Variants in MCC observed in about 807,000 individuals in gnomAD.
MCC encodes the protein colorectal mutant cancer protein.
MCC carries 90 observed loss-of-function variants against 116.2 expected under a neutral mutation model. That is an observed-to-expected ratio of 0.77 (90% CI 0.65 to 0.92). The LOEUF (loss-of-function observed/expected upper bound fraction) is 0.92, where lower values mean the gene tolerates loss of function less well. Ranked by LOEUF, MCC falls within the 40% of genes least tolerant of loss-of-function variation. The probability of loss-of-function intolerance (pLI) is 0.00; values close to 1 mark genes in which losing one functional copy is unlikely to be tolerated. For synonymous variants in MCC, 578 were observed against 510.5 expected (o/e 1.13, Z -1.78); for missense variants, 1,516 against 1,312.2 (o/e 1.16, Z -2.40).
intron 3 of MCC, among the ~76,000 whole-genome samples, chr5:113,162,446 C>T (rs962060983): frequency 3.9e-5 from 6 of 152,120 alleles, no homozygotes; most frequent in Non-Finnish European, 8.8e-5. Context: ...AGGCAAATCA[C>T]TTAACCACAA....
intron 1 of MCC, among the ~76,000 whole-genome samples, chr5:113,464,276 G>T (rs1275915681): frequency 1.3e-5 from 2 of 152,142 alleles, no homozygotes; most frequent in East Asian, 1.9e-4. Flanking sequence ...ACAATAATCT[G>T]CAAGGCCATA....
chr5:113,066,950 C>A (rs555594751), intron 13 of MCC, among the ~76,000 whole-genome samples: 1 of 152,110 alleles, frequency 6.6e-6, no homozygotes, highest in African/African-American at 2.4e-5. Context: ...AGGGGGTGTC[C>A]GGGGCTTAGT....
chr5:113,221,070 G>T (rs1007946572), intron 3 of MCC, among the ~76,000 whole-genome samples: 4 of 152,172 alleles, frequency 2.6e-5, no homozygotes, highest in Non-Finnish European at 5.9e-5. Context: ...CAGGTATGGT[G>T]GTACATGCCT....
At chr5:113,299,219 C>A (rs1766788792) in intron 3 of MCC, among the ~76,000 whole-genome samples, 1 of 141,398 alleles carries the variant, frequency 7.1e-6, no homozygotes, top group Non-Finnish European at 1.5e-5. Flanking sequence ...ACCTGGGAGG[C>A]GGAGGTTGCA....
intron 3 of MCC, among the ~76,000 whole-genome samples, chr5:113,174,189 T>C (rs1481153765): frequency 6.6e-6 from 1 of 152,134 alleles, no homozygotes; most frequent in East Asian, 1.9e-4. Context: ...AGATCCAAGG[T>C]AGGGGTGGGT....
chr5:113,191,421 C>G (rs905504510), intron 3 of MCC, among the ~76,000 whole-genome samples: 2 of 152,338 alleles, frequency 1.3e-5, no homozygotes, highest in African/African-American at 4.8e-5. Context: ...TGTGGGGAAA[C>G]TGGCCCTGGA....
chr5:113,057,792 G>A (rs1454737118), intron 14 of MCC, among the ~76,000 whole-genome samples: 1 of 152,254 alleles, frequency 6.6e-6, no homozygotes, highest in Non-Finnish European at 1.5e-5. Context: ...TGGAGGGACA[G>A]ACATCTAATG....
intron 3 of MCC, among the ~76,000 whole-genome samples, chr5:113,328,434 C>T (rs1226226793): frequency 6.6e-6 from 1 of 152,092 alleles, no homozygotes; most frequent in Non-Finnish European, 1.5e-5. Flanking sequence ...TCCCTCTGCC[C>T]CAGAAGAATC....
intron 3 of MCC, among the ~76,000 whole-genome samples, chr5:113,315,141 A>G (rs996418760): frequency 2.0e-5 from 3 of 152,346 alleles, no homozygotes; most frequent in East Asian, 3.9e-4. Flanking sequence ...GATCCTTACT[A>G]TTGGCTGAGG....
At chr5:113,327,559 AAAATAT>A (rs1169317779) in intron 3 of MCC, among the ~76,000 whole-genome samples, 1 of 81,068 alleles carries the variant, frequency 1.2e-5, no homozygotes, top group East Asian at 2.5e-4. Flanking sequence ...AAAAAAAAAA[AAAATAT>A]ATATATATAT....
At chr5:113,078,136 C>G (rs539275141) in intron 11 of MCC, among the ~76,000 whole-genome samples, 1 of 152,280 alleles carries the variant, frequency 6.6e-6, no homozygotes, top group East Asian at 1.9e-4. Context: ...AGGCCAATAA[C>G]AGGTTCTGAA....
chr5:113,333,836 T>C (rs1223117558), intron 3 of MCC, among the ~76,000 whole-genome samples: 10 of 59,278 alleles, frequency 1.7e-4, no homozygotes, highest in African/African-American at 9.4e-4. Flanking sequence ...TGTATATATG[T>C]ATATATGTAT....
intron 1 of MCC, among the ~76,000 whole-genome samples, chr5:113,487,055 A>T (rs1373494232): frequency 6.6e-6 from 1 of 152,178 alleles, no homozygotes. Flanking sequence ...TTACTCCATC[A>T]AGTTTTCTGA....
chr5:113,031,740 CACA>C (rs1750969354), intron 17 of MCC, among the ~76,000 whole-genome samples: 1 of 152,132 alleles, frequency 6.6e-6, no homozygotes, highest in Admixed American at 6.5e-5. Context: ...CCAGCCCTTC[CACA>C]AGACAAAACG....
chr5:113,334,899 G>C (rs1014937858), intron 3 of MCC, among the ~76,000 whole-genome samples: 1 of 151,388 alleles, frequency 6.6e-6, no homozygotes, highest in Non-Finnish European at 1.5e-5. Context: ...CCAATGTTCT[G>C]AATTTTAAAA....
At chr5:113,272,117 C>T (rs1765639049) in intron 3 of MCC, among the ~76,000 whole-genome samples, 1 of 152,074 alleles carries the variant, frequency 6.6e-6, no homozygotes, top group Admixed American at 6.5e-5. Context: ...TTATCTTTTT[C>T]TGGATTTTGC....
chr5:113,444,194 C>T (rs1049667714), intron 1 of MCC, among the ~76,000 whole-genome samples: 4 of 152,012 alleles, frequency 2.6e-5, no homozygotes, highest in African/African-American at 7.3e-5. Context: ...CAGGATGGTA[C>T]AAATACAGGT....
At chr5:113,177,757 G>T (rs947314748) in intron 3 of MCC, among the ~76,000 whole-genome samples, 1 of 151,958 alleles carries the variant, frequency 6.6e-6, no homozygotes, top group Non-Finnish European at 1.5e-5. Context: ...CATATATGGC[G>T]AATTTTGTGT....
chr5:113,452,579 T>G (rs1016486742), intron 1 of MCC, among the ~76,000 whole-genome samples: 1 of 152,252 alleles, frequency 6.6e-6, no homozygotes, highest in African/African-American at 2.4e-5. Flanking sequence ...CATGGGCTTC[T>G]TGGCAACCAG....
Sources: allele counts gnomAD v4.1 joint callset (sites outside exome capture counted in the v4.1 genomes callset), GRCh38; gene constraint gnomAD v4.1.1; transcripts MANE v1.5; gene names NCBI Gene and HGNC (gene_info 2026-07-23, HGNC 2026-07-21).